MAP3K2: variants seen among roughly 807,000 people sequenced by gnomAD.
The protein encoded by MAP3K2 is mitogen-activated protein kinase kinase kinase 2, also known as MAP/ERK kinase kinase 2.
MAP3K2 carries 24 observed loss-of-function variants against 80.3 expected under a neutral mutation model. That is an observed-to-expected ratio of 0.30 (90% CI 0.22 to 0.42). The LOEUF (loss-of-function observed/expected upper bound fraction) is 0.42. Ranked by LOEUF, MAP3K2 falls within the 10% of genes least tolerant of loss-of-function variation. The pLI, the probability that MAP3K2 is intolerant of heterozygous loss-of-function variation, is 1.00. For synonymous variants in MAP3K2, 244 were observed against 253.7 expected (o/e 0.96, Z 0.36); for missense variants, 608 against 750.1 (o/e 0.81, Z 2.21).
Position 127,339,849 on chromosome 2 carries a change from T to G in MAP3K2, c.5-799A>C, listed in dbSNP as rs1257096579. ...TTCACTAGTAAATCAATTCTACTAA[T>G]GATAATCACAAATGATAAATAAAGG... On this transcript the variant is annotated intron_variant, in intron 2 of 16. Coordinates refer to ENST00000682094, the MANE Select transcript of MAP3K2 (RefSeq NM_001371910.2). This position sits in a 1 kb window ranked among gnomAD's most constrained non-coding sequence, Gnocchi z 4.2. Among the ~76,000 whole-genome samples the G allele has an allele frequency of 6.6e-6, 1 of 152,200 alleles. No homozygotes were observed. Among genetic ancestry groups the G allele is most frequent in the African/African-American group, 2.4e-5 (1 of 41,464 alleles).
At chr2:127,373,508 G>C (rs1010982463) in intron 1 of MAP3K2, among the ~76,000 whole-genome samples, 1 of 152,146 alleles carries the variant, frequency 6.6e-6, no homozygotes, top group African/African-American at 2.4e-5. Context: ...TACAAAACTT[G>C]TTTTCTATCT....
At chr2:127,319,859 A>T (rs1319578982) in intron 12 of MAP3K2, among the ~76,000 whole-genome samples, 2 of 151,258 alleles carry the variant, frequency 1.3e-5, no homozygotes, top group African/African-American at 2.4e-5. Context: ...AAAAAAAAAA[A>T]AGCTGATGGA....
chr2:127,359,976 A>G (rs560658444), intron 1 of MAP3K2, among the ~76,000 whole-genome samples: 47 of 152,310 alleles, frequency 3.1e-4, no homozygotes, highest in African/African-American at 1.0e-3. Context: ...GAATGGACTA[A>G]TACACCTACC....
chr2:127,326,820 CA>C lies in MAP3K2; in HGVS notation c.467-4del. On this transcript the variant is annotated splice_region_variant and splice_polypyrimidine_tract_variant and intron_variant, in intron 7 of 16. Transcript: ENST00000682094. ...ACTTCTATCTCTACTAGTAGGACCT[CA>C]AGGAAGAAAAATAATGTAATTTATA... 1 of 1,535,922 alleles carries C rather than the reference CA, an allele frequency of 6.5e-7. No homozygotes were observed. Among genetic ancestry groups the C allele is most frequent in the Non-Finnish European group, 8.8e-7 (1 of 1,141,018 alleles).
intron 1 of MAP3K2, among the ~76,000 whole-genome samples, chr2:127,370,347 C>T (rs1384089477): frequency 6.6e-6 from 1 of 152,190 alleles, no homozygotes; most frequent in Non-Finnish European, 1.5e-5. Context: ...TGTTGTTCAG[C>T]CAGGGTCTGC....
At chr2:127,357,370 T>C (rs545019606) in intron 1 of MAP3K2, among the ~76,000 whole-genome samples, 1 of 152,244 alleles carries the variant, frequency 6.6e-6, no homozygotes, top group Non-Finnish European at 1.5e-5. Context: ...GTTCCTGTAG[T>C]CCCAACTACT....
intron 15 of MAP3K2, among the ~76,000 whole-genome samples, chr2:127,309,533 A>C (rs896576168): frequency 3.3e-5 from 5 of 152,192 alleles, no homozygotes; most frequent in African/African-American, 1.2e-4. Context: ...TACTTTGCTT[A>C]GATTTCCTCA....
rs140181857 is a variant in MAP3K2, at chr2:127,318,879, CACAG to C, written c.1046-566_1046-563del. Among the ~76,000 whole-genome samples, 462 of 152,298 alleles carry C rather than the reference CACAG, an allele frequency of 3.0e-3. 11 individuals carry two copies. The East Asian group carries it at 0.058, about 19-fold the overall frequency. On this transcript the variant is annotated intron_variant, in intron 12 of 16. Transcript: ENST00000682094. ...AAGCACTGGCTCACTTGTGGCAAAG[CACAG>C]ACAAAGACCCACACAAGCAAGGAAG...
intron 1 of MAP3K2, among the ~76,000 whole-genome samples, chr2:127,349,799 C>T (rs1686661426): frequency 6.6e-6 from 1 of 152,104 alleles, no homozygotes; most frequent in Admixed American, 6.5e-5. Context: ...GAGAAAGTCA[C>T]AAAGTGGTTG....
rs143219830 is a variant in MAP3K2, at chr2:127,342,388, G to GGGGTGGGT, written c.4+737_4+738insACCCACCC. On this transcript the variant is annotated intron_variant, in intron 2 of 16. Transcript: ENST00000682094. Reference sequence around the variant, plus strand: ...TGGGCAAATATAAGTTCTTCATGAGGGTGTGTGTGTGTGTGTGTGTGTGTG... The same window carrying GGGGTGGGT: ...TGGGCAAATATAAGTTCTTCATGAGGGGGTGGGTGTGTGTGTGTGTGTGTGTGTGTGTG... Among the ~76,000 whole-genome samples the GGGGTGGGT allele has an allele frequency of 5.5e-3, 819 of 147,842 alleles. 10 individuals carry two copies. Among genetic ancestry groups the GGGGTGGGT allele is most frequent in the African/African-American group, 0.02 (791 of 39,740 alleles).
intron 6 of MAP3K2, among the ~76,000 whole-genome samples, 161 bp from the exon 7 acceptor site, chr2:127,330,169 T>C (rs1348009554): frequency 6.6e-6 from 1 of 152,206 alleles, no homozygotes; most frequent in Non-Finnish European, 1.5e-5. Context: ...AAGTTGTCAG[T>C]TTCTATTAGC....
At position 127,301,186 on chromosome 2, in the gene MAP3K2, G is replaced by C. The variant is rs1685586169; in HGVS notation, c.*6393C>G. 6.6e-6 allele frequency: 1 copy of C among 152,190 alleles called. No individual in the cohort carries two copies. Among genetic ancestry groups the C allele is most frequent in the Non-Finnish European group, 1.5e-5 (1 of 68,020 alleles). The allele number at this position is 152,190 out of a possible 1,614,324, so 9.4% of individuals were successfully genotyped here. ...TGTCTATGGCACAAAGCAGACATCA[G>C]TCCAGAACCTACTTTTCCTCACAGC... On this transcript the variant is annotated 3_prime_UTR_variant, in exon 17 of 17. Coordinates refer to ENST00000682094, the MANE Select transcript of MAP3K2 (RefSeq NM_001371910.2).
chr2:127,341,596 G>C (rs1433600341), intron 2 of MAP3K2, among the ~76,000 whole-genome samples: 1 of 138,538 alleles, frequency 7.2e-6, no homozygotes, highest in Non-Finnish European at 1.5e-5. Context: ...GCAGTGGCGT[G>C]ATCTCGGCTC....
chr2:127,314,655 G>C lies in MAP3K2; in HGVS notation c.1456+99C>G, dbSNP rs1317985440. On this transcript the variant is annotated intron_variant, in intron 15 of 16. Coordinates refer to ENST00000682094, the MANE Select transcript of MAP3K2 (RefSeq NM_001371910.2). ...AACTGTTTCCCTGTAGTATTTCAGA[G>C]ACAGATGAATTAATGTTAAATGTCT... The C allele has an allele frequency of 4.2e-6, 4 of 945,098 alleles. No homozygotes were observed. In the African/African-American group the frequency reaches 6.6e-5, roughly 16 times the overall value. The allele number at this position is 945,098 out of a possible 1,614,324, so 58.5% of individuals were successfully genotyped here. A position where few individuals can be genotyped will look rare whatever the true frequency, so the allele number is the denominator to read the frequency against.
chr2:127,309,929 G>T (rs1352752491), intron 15 of MAP3K2, among the ~76,000 whole-genome samples: 5 of 152,108 alleles, frequency 3.3e-5, no homozygotes, highest in Non-Finnish European at 7.4e-5. Flanking sequence ...CCGTACTTTG[G>T]AAGAAATTCG....
chr2:127,385,511 T>TC (rs1478568152), intron 1 of MAP3K2, among the ~76,000 whole-genome samples: 1 of 152,236 alleles, frequency 6.6e-6, no homozygotes, highest in African/African-American at 2.4e-5. Flanking sequence ...TCACTTCTTT[T>TC]CCTTTATTGC....
Position 127,321,839 on chromosome 2 carries a change from C to A in MAP3K2, c.1045+207G>T, listed in dbSNP as rs1056769877. ...CTAGTTGGTAATAATTTTCCTAATA[C>A]AAGTGAAGAACAGAATTATCTAAAG... On this transcript the variant is annotated intron_variant, in intron 12 of 16. Transcript: ENST00000682094. The surrounding 1 kb of genome is among the most constrained non-coding windows in gnomAD (Gnocchi z 4.4). Among the ~76,000 whole-genome samples the A allele has an allele frequency of 6.6e-6, 1 of 152,188 alleles. No homozygotes were observed. Among genetic ancestry groups the A allele is most frequent in the Non-Finnish European group, 1.5e-5 (1 of 68,032 alleles).
At position 127,305,277 on chromosome 2, in the gene MAP3K2, C is replaced by G. The variant is rs986035919; in HGVS notation, c.*2302G>C. 15 of 152,350 alleles carry G rather than the reference C, an allele frequency of 9.8e-5. No individual in the cohort carries two copies. The highest frequency in any genetic ancestry group is 3.6e-4 in the African/African-American group (15 of 41,370). 9.4% of individuals were successfully genotyped at this position (152,350 alleles called of 1,614,324 possible). On this transcript the variant is annotated 3_prime_UTR_variant, in exon 17 of 17. Coordinates refer to ENST00000682094, the MANE Select transcript of MAP3K2 (RefSeq NM_001371910.2). ...GATCTTGCTCAAGTAGAAAAGATGC[C>G]CTCATTCATAAAAGATAAAGAAATT...
At chr2:127,375,298 G>A (rs180885975) in intron 1 of MAP3K2, among the ~76,000 whole-genome samples, 18 of 152,182 alleles carry the variant, frequency 1.2e-4, no homozygotes, top group African/African-American at 3.4e-4. Flanking sequence ...CACAGGCCCC[G>A]GACAGGATGC....
Sources: gnomAD v4.1 joint callset for allele counts (sites outside exome capture counted in the v4.1 genomes callset) on GRCh38, gnomAD v4.1.1 for gene constraint, Gnocchi (gnomAD v3.1) non-coding constraint, MANE v1.5 for transcripts, NCBI Gene and HGNC (gene_info 2026-07-23, HGNC 2026-07-21) for gene names.